Variants in HP1BP3 observed in about 807,000 individuals in gnomAD.
HP1BP3 encodes the protein heterochromatin protein 1 binding protein 3, also known as heterochromatin protein 1-binding protein 3.
HP1BP3 carries 12 observed loss-of-function variants against 62.5 expected under a neutral mutation model. The ratio of observed to expected loss-of-function variants is 0.19; its 90% CI spans 0.12 to 0.31. HP1BP3 has a LOEUF of 0.31. Among genes scored for constraint, HP1BP3 ranks in the 10% least tolerant of loss-of-function variants. HP1BP3 has a pLI of 1.00. For missense variants in HP1BP3, 502 were observed against 651.8 expected (o/e 0.77, Z 2.50); for synonymous variants, 260 against 237.8 (o/e 1.09, Z -0.86).
In HP1BP3 at chr1:20,787,246, C is replaced by G. The variant is rs2057888899; in HGVS notation, c.-152G>C. 6.6e-6 allele frequency: 1 copy of G among 151,988 alleles called. No individual in the cohort carries two copies. Among genetic ancestry groups the G allele is most frequent in the Non-Finnish European group, 1.5e-5 (1 of 67,976 alleles). 9.4% of individuals were successfully genotyped at this position (151,988 alleles called of 1,614,324 possible). ...CGCGTCCCGCACGGCCTCTCGGCGC[C>G]GCTCCCGCCGCCGCTAGTCGCCTCC... On this transcript the variant is annotated 5_prime_UTR_variant, in exon 1 of 13. Transcript: ENST00000438032.
intron 9 of HP1BP3, among the ~76,000 whole-genome samples, chr1:20,754,539 C>G (rs771307270): frequency 2.6e-5 from 4 of 151,506 alleles, no homozygotes; most frequent in African/African-American, 4.9e-5. Flanking sequence ...TCAAAACATT[C>G]CTGAAAAAGT....
At chr1:20,773,191 C>T (rs1164512144) in intron 5 of HP1BP3, among the ~76,000 whole-genome samples, 2 of 152,070 alleles carry the variant, frequency 1.3e-5, no homozygotes, top group Non-Finnish European at 2.9e-5. Flanking sequence ...AAAAACTGTA[C>T]TTAATCGATA....
chr1:20,742,427 A>G lies in HP1BP3; in HGVS notation c.*2370T>C, dbSNP rs938078688. On this transcript the variant is annotated 3_prime_UTR_variant, in exon 13 of 13. Coordinates refer to ENST00000438032, the MANE Select transcript of HP1BP3 (RefSeq NM_001372052.1). ...ACATGATTGTACTCTATGATCTTGG[A>G]AGCAGTCTTTAATAAAATACAAAAT... 2.6e-5 allele frequency among the ~76,000 whole-genome samples: 4 copies of G among 152,200 alleles called. No homozygotes were observed. The highest frequency in any genetic ancestry group is 9.6e-5 in the African/African-American group (4 of 41,456).
Position 20,743,114 on chromosome 1 carries a change from T to A in HP1BP3, c.*1683A>T, listed in dbSNP as rs1435278373. The A allele has an allele frequency of 6.6e-6, 1 of 152,048 alleles. No individual in the cohort carries two copies. The highest frequency in any genetic ancestry group is 6.6e-5 in the Admixed American group (1 of 15,240). 9.4% of individuals were successfully genotyped at this position (152,048 alleles called of 1,614,324 possible). A position where few individuals can be genotyped will look rare whatever the true frequency, so the allele number is the denominator to read the frequency against. On this transcript the variant is annotated 3_prime_UTR_variant, in exon 13 of 13. Coordinates refer to ENST00000438032, the MANE Select transcript of HP1BP3 (RefSeq NM_001372052.1). ...AGGTAGTTGGGCTTCATTTACTTTT[T>A]TCCTTTTCTTTTTTTTTTTAATATC...
In HP1BP3 at chr1:20,780,482, G is replaced by A; in HGVS notation, c.-42C>T. The A allele has an allele frequency of 7.3e-7, 1 of 1,374,108 alleles. No homozygotes were observed. The highest frequency in any genetic ancestry group is 1.4e-5 in the African/African-American group (1 of 70,408). 85.1% of individuals were successfully genotyped at this position (1,374,108 alleles called of 1,614,324 possible). Reference sequence around the variant, plus strand: ...GCCCGAGTACAGGTTACACTCTGAAGCCTCTGCTGTTAACCACAAGGATTT... The same window carrying A: ...GCCCGAGTACAGGTTACACTCTGAAACCTCTGCTGTTAACCACAAGGATTT... On this transcript the variant is annotated 5_prime_UTR_variant, in exon 2 of 13. Coordinates refer to ENST00000438032, the MANE Select transcript of HP1BP3 (RefSeq NM_001372052.1).
At position 20,773,436 on chromosome 1, in the gene HP1BP3, G is replaced by A. The variant is rs971228356; in HGVS notation, c.510+15C>T. 1.3e-6 allele frequency: 2 copies of A among 1,582,748 alleles called. No individual in the cohort carries two copies. The highest frequency in any genetic ancestry group is 1.8e-5 in the Admixed American group (1 of 54,776). On this transcript the variant is annotated intron_variant, in intron 5 of 12. Transcript: ENST00000438032. ...ATAATAAATCTAAGATGAATTGCTT[G>A]AAATAAAAACTTGCCTTAATGGCCT...
At chr1:20,746,259 A>G (rs1256314304) in intron 11 of HP1BP3, among the ~76,000 whole-genome samples, 1 of 147,348 alleles carries the variant, frequency 6.8e-6, no homozygotes, top group Non-Finnish European at 1.5e-5. Context: ...GGGTCTTGCT[A>G]TGCTGCCCAG....
At position 20,750,124 on chromosome 1, in the gene HP1BP3, A is replaced by T. The variant is rs1309729282; in HGVS notation, c.982-242T>A. Reference sequence around the variant, plus strand: ...TACCCTCCATCCACCCTAAAATAATAGCCAACCTAACCCAAAGATACTGAC... The same window carrying T: ...TACCCTCCATCCACCCTAAAATAATTGCCAACCTAACCCAAAGATACTGAC... On this transcript the variant is annotated intron_variant, in intron 9 of 12. Coordinates refer to ENST00000438032, the MANE Select transcript of HP1BP3 (RefSeq NM_001372052.1). The T allele has an allele frequency of 8.5e-6, 5 of 590,040 alleles. No individual in the cohort carries two copies. In the South Asian group the frequency reaches 1.6e-4, roughly 18 times the overall value. 36.6% of individuals were successfully genotyped at this position (590,040 alleles called of 1,614,324 possible).
At chr1:20,751,875 T>C (rs2055779809) in intron 9 of HP1BP3, among the ~76,000 whole-genome samples, 1 of 152,082 alleles carries the variant, frequency 6.6e-6, no homozygotes, top group Non-Finnish European at 1.5e-5. Flanking sequence ...ACAAAACTGT[T>C]TAGTGGTTCT....
intron 9 of HP1BP3, among the ~76,000 whole-genome samples, chr1:20,755,677 C>T (rs1413787125): frequency 1.3e-5 from 2 of 152,116 alleles, no homozygotes; most frequent in African/African-American, 4.8e-5. Flanking sequence ...TCCACGCAGA[C>T]TTGAACATAA....
chr1:20,783,067 G>C (rs931982211), intron 1 of HP1BP3, among the ~76,000 whole-genome samples: 1 of 151,982 alleles, frequency 6.6e-6, no homozygotes, highest in Non-Finnish European at 1.5e-5. Flanking sequence ...AGCTAGAATT[G>C]CACCACGGCA....
At chr1:20,778,971 G>A (rs1294699555) in intron 3 of HP1BP3, among the ~76,000 whole-genome samples, 3 of 152,032 alleles carry the variant, frequency 2.0e-5, no homozygotes, top group Non-Finnish European at 4.4e-5. Context: ...TATAATTTTA[G>A]TAGAGATGGG....
At chr1:20,771,300 T>C (rs2057048584) in intron 5 of HP1BP3, among the ~76,000 whole-genome samples, 1 of 152,222 alleles carries the variant, frequency 6.6e-6, no homozygotes, top group African/African-American at 2.4e-5. Flanking sequence ...GAGACCATAC[T>C]GAACACGAAC....
intron 3 of HP1BP3, among the ~76,000 whole-genome samples, chr1:20,778,311 A>C (rs1264475670): frequency 6.6e-6 from 1 of 152,254 alleles, no homozygotes; most frequent in Non-Finnish European, 1.5e-5. Context: ...AGAGTTTACA[A>C]AATTTAAAAT....
At chr1:20,784,976 A>G (rs1360758080) in intron 1 of HP1BP3, among the ~76,000 whole-genome samples, 1 of 152,126 alleles carries the variant, frequency 6.6e-6, no homozygotes, top group East Asian at 1.9e-4. Flanking sequence ...TCTGGAGTAC[A>G]GTGGCATGAC....
chr1:20,776,049 G>A, intron 4 of HP1BP3: 2 of 1,456,764 alleles, frequency 1.4e-6, no homozygotes, highest in South Asian at 1.4e-5. Context: ...AAAAGTAACT[G>A]CCATCACTTT....
intron 11 of HP1BP3, among the ~76,000 whole-genome samples, chr1:20,746,782 G>A (rs918825210): frequency 2.0e-5 from 3 of 152,200 alleles, no homozygotes; most frequent in Non-Finnish European, 4.4e-5. Flanking sequence ...TTGGGAGGCT[G>A]AGGCGAGAGG....
chr1:20,777,562 G>A (rs1032275393), intron 3 of HP1BP3, among the ~76,000 whole-genome samples: 2 of 151,976 alleles, frequency 1.3e-5, no homozygotes, highest in African/African-American at 2.4e-5. Context: ...AGGTTCAAGC[G>A]ATTCTCCTGC....
chr1:20,760,107 T>C (rs1263285125), intron 8 of HP1BP3, among the ~76,000 whole-genome samples: 1 of 152,100 alleles, frequency 6.6e-6, no homozygotes, highest in East Asian at 1.9e-4. Flanking sequence ...CAGGAAGGTC[T>C]CCAACTCTTG....
Sources: allele counts gnomAD v4.1 joint callset (sites outside exome capture counted in the v4.1 genomes callset), GRCh38; gene constraint gnomAD v4.1.1; transcripts MANE v1.5; gene names NCBI Gene and HGNC (gene_info 2026-07-23, HGNC 2026-07-21).